SULF2: variants seen among roughly 807,000 people sequenced by gnomAD.
SULF2 encodes sulfatase 2.
A neutral mutation model predicts 107.7 loss-of-function variants in SULF2; 52 were observed. The ratio of observed to expected loss-of-function variants is 0.48; its 90% CI spans 0.39 to 0.61. The LOEUF is 0.61. Among genes scored for constraint, SULF2 ranks in the 20% least tolerant of loss-of-function variants. The pLI, the probability that SULF2 is intolerant of heterozygous loss-of-function variation, is 0.00. For synonymous variants in SULF2, 460 were observed against 464.3 expected (o/e 0.99, Z 0.12); for missense variants, 993 against 1,177.3 (o/e 0.84, Z 2.29).
rs535919195 is a variant in SULF2 at position 47,723,324 on chromosome 20, C to T, written c.415+13379G>A. Among the ~76,000 whole-genome samples, 15 of 151,920 alleles carry T rather than the reference C, an allele frequency of 9.9e-5. No homozygotes were observed. In the South Asian group the frequency reaches 2.1e-3, roughly 21 times the overall value. On this transcript the variant is annotated intron_variant, in intron 3 of 20. Transcript: ENST00000688720. ...AGAAGTCCTAAGAAGAACATAAAGC[C>T]GGGTGTCATGGTCGAGAATGAGAGG... is the stretch of plus-strand genomic sequence containing the variant.
At chr20:47,745,398 AAAAAAAAAAAAAATATATATATAT>A (rs1248236381) in intron 2 of SULF2, among the ~76,000 whole-genome samples, 19 of 29,398 alleles carry the variant, frequency 6.5e-4, no homozygotes, top group African/African-American at 3.2e-3. Flanking sequence ...AAAAAAAAAA[AAAAAAAAAAAAAATATATATATAT>A]ATATATATAT....
chr20:47,702,429 C>G, intron 4 of SULF2, 90 bp downstream of exon 4: 1 of 1,473,060 alleles, frequency 6.8e-7, no homozygotes, highest in Non-Finnish European at 9.2e-7. Context: ...GCCTGAGTCA[C>G]AATCTGAACC....
chr20:47,730,284 G>A (rs1227587357), intron 3 of SULF2, among the ~76,000 whole-genome samples: 3 of 152,190 alleles, frequency 2.0e-5, no homozygotes, highest in African/African-American at 7.2e-5. Context: ...CAGAGGGCCC[G>A]CCACCATCTC....
intron 3 of SULF2, chr20:47,706,766 C>G (rs1220760228): frequency 2.0e-5 from 3 of 152,202 alleles, no homozygotes. Flanking sequence ...CTGTCACACT[C>G]TGGAGTTTAG....
chr20:47,775,909 C>A (rs1239128309), intron 1 of SULF2, among the ~76,000 whole-genome samples: 1 of 152,172 alleles, frequency 6.6e-6, no homozygotes, highest in Non-Finnish European at 1.5e-5. Flanking sequence ...GGGACACTTG[C>A]AATGTCCCTG....
chr20:47,715,308 CT>C (rs2089080128), intron 3 of SULF2, among the ~76,000 whole-genome samples: 1 of 152,098 alleles, frequency 6.6e-6, no homozygotes, highest in Admixed American at 6.6e-5. Flanking sequence ...AGGCTCTCCC[CT>C]TTCCCCCGAC....
chr20:47,761,513 A>G (rs571815397), intron 1 of SULF2, among the ~76,000 whole-genome samples: 1 of 152,396 alleles, frequency 6.6e-6, no homozygotes, highest in South Asian at 2.1e-4. Context: ...GAAAGTGGAC[A>G]TCGCTTCCCT....
At chr20:47,697,663 G>C (rs1332951543) in intron 4 of SULF2, among the ~76,000 whole-genome samples, 2 of 152,158 alleles carry the variant, frequency 1.3e-5, no homozygotes, top group Admixed American at 6.5e-5. Flanking sequence ...CAGGCCCCTG[G>C]TAACTGGGGG....
At chr20:47,736,645 T>A (rs1756408880) in intron 3 of SULF2, 58 bp downstream of exon 3, 5 of 1,604,464 alleles carry the variant, frequency 3.1e-6, no homozygotes, top group Non-Finnish European at 3.4e-6. Context: ...AGACCACACC[T>A]AGGGACGCCC....
At chr20:47,730,762 TTTTTTTG>T (rs959566948) in intron 3 of SULF2, among the ~76,000 whole-genome samples, 19 of 152,322 alleles carry the variant, frequency 1.2e-4, no homozygotes, top group Non-Finnish European at 1.9e-4. Context: ...GATGTTACTT[TTTTTTTG>T]TTTTTTGTTT....
At chr20:47,722,998 T>C (rs564737640) in intron 3 of SULF2, among the ~76,000 whole-genome samples, 2 of 151,742 alleles carry the variant, frequency 1.3e-5, no homozygotes, top group East Asian at 3.9e-4. Flanking sequence ...ACCTGGGAGG[T>C]GGAGGCTGCA....
chr20:47,667,684 G>A lies in SULF2; in HGVS notation c.1577-1196C>T, dbSNP rs74539618. ...ACACATGTCTGGCCCCAGCAGGCAC[G>A]CACTGCAGTTGTCATCCTTCTCCAG... On this transcript the variant is annotated intron_variant, in intron 11 of 20. Coordinates refer to ENST00000688720, the MANE Select transcript of SULF2 (RefSeq NM_001387048.1). Among the ~76,000 whole-genome samples, 663 of 152,286 alleles carry A rather than the reference G, an allele frequency of 4.4e-3. 5 individuals carry two copies. The highest frequency in any genetic ancestry group is 0.015 in the African/African-American group (625 of 41,560).
intron 9 of SULF2, 140 bp from the exon 10 acceptor site, chr20:47,676,763 G>T: frequency 1.0e-6 from 1 of 988,620 alleles, no homozygotes; most frequent in Non-Finnish European, 1.4e-6. Flanking sequence ...ACCTGCCCGG[G>T]TCTTCTGATG....
At chr20:47,707,835 G>A (rs1007021335) in intron 3 of SULF2, among the ~76,000 whole-genome samples, 1 of 152,158 alleles carries the variant, frequency 6.6e-6, no homozygotes, top group Admixed American at 6.5e-5. Context: ...CACCCCTACA[G>A]AGCCCCGACA....
At chr20:47,774,065 C>T (rs2090680812) in intron 1 of SULF2, among the ~76,000 whole-genome samples, 1 of 152,184 alleles carries the variant, frequency 6.6e-6, no homozygotes, top group African/African-American at 2.4e-5. Context: ...GGAAACAGCC[C>T]GACACTTACA....
At chr20:47,748,392 C>T (rs1011817062) in intron 2 of SULF2, among the ~76,000 whole-genome samples, 1 of 152,240 alleles carries the variant, frequency 6.6e-6, no homozygotes, top group Admixed American at 6.5e-5. Flanking sequence ...AGGGGAGCTG[C>T]CCTCACTGGG....
rs1261233885 is a variant in SULF2, at chr20:47,746,990, A to T, written c.176-10048T>A. ...CCTAGAACTTAAATAAATAAAAAAA[A>T]AAAAATATATATATATATATATATA... On this transcript the variant is annotated intron_variant, in intron 2 of 20. Transcript: ENST00000688720. Among the ~76,000 whole-genome samples the T allele has an allele frequency of 7.6e-4, 49 of 64,826 alleles. No individual in the cohort carries two copies. The East Asian group carries it at 0.013, about 17-fold the overall frequency. 42.5% of individuals were successfully genotyped at this position (64,826 alleles called of 152,430 possible).
intron 1 of SULF2, among the ~76,000 whole-genome samples, chr20:47,767,236 C>G (rs1192711941): frequency 6.6e-6 from 1 of 152,184 alleles, no homozygotes; most frequent in African/African-American, 2.4e-5. Context: ...TTAACATGCA[C>G]GGAGACTTTC....
intron 4 of SULF2, among the ~76,000 whole-genome samples, chr20:47,696,194 G>T (rs1487927311): frequency 6.6e-6 from 1 of 152,092 alleles, no homozygotes; most frequent in African/African-American, 2.4e-5. Context: ...CTGACAGTTG[G>T]GAATAGACAC....
Sources: gnomAD v4.1 joint callset for allele counts (sites outside exome capture counted in the v4.1 genomes callset) on GRCh38, gnomAD v4.1.1 for gene constraint, MANE v1.5 for transcripts, NCBI Gene and HGNC (gene_info 2026-07-23, HGNC 2026-07-21) for gene names.